The following ABCG4 variants were observed in gnomAD, a reference collection of about 807,000 sequenced individuals.
ABCG4 encodes ATP binding cassette subfamily G member 4, also known as ATP-binding cassette sub-family G member 4.
A neutral mutation model predicts 64.6 loss-of-function variants in ABCG4; 35 were observed. The ratio of observed to expected loss-of-function variants is 0.54; its 90% CI spans 0.41 to 0.72. The LOEUF (loss-of-function observed/expected upper bound fraction) is 0.72, where lower values mean the gene tolerates loss of function less well. Ranked by LOEUF, ABCG4 falls within the 30% of genes least tolerant of loss-of-function variation. The pLI, the probability that ABCG4 is intolerant of heterozygous loss-of-function variation, is 0.00. For missense variants in ABCG4, 610 were observed against 846.3 expected (o/e 0.72, Z 3.46); for synonymous variants, 326 against 348.2 (o/e 0.94, Z 0.71).
At position 119,160,567 on chromosome 11, in the gene ABCG4, C is replaced by T; in HGVS notation, c.1626C>T (p.Ala542=). 6.2e-7 allele frequency: 1 copy of T among 1,612,210 alleles called. No individual in the cohort carries two copies. The highest frequency in any genetic ancestry group is 1.3e-5 in the African/African-American group (1 of 75,040). ...QVATFVGPVT[A]IPVLLFSGFF... ...CCACTTTTGTGGGCCCAGTTACCGC[C>T]ATCCCTGTCCTCTTGTTCTCCGGCT... is the stretch of plus-strand genomic sequence containing the variant. The change falls in exon 14 of 15, where the codon GCC becomes GCT. Residue 542 remains alanine (A), a synonymous_variant. Coordinates refer to ENST00000619701, the MANE Select transcript of ABCG4 (RefSeq NM_022169.5). This position sits in a 1 kb window ranked among gnomAD's most constrained non-coding sequence, Gnocchi z 4.6.
chr11:119,160,863 A>G lies in ABCG4; in HGVS notation c.1716-18A>G. 6.2e-7 allele frequency: 1 copy of G among 1,609,964 alleles called. No individual in the cohort carries two copies. On this transcript the variant is annotated intron_variant, in intron 14 of 14. Coordinates refer to ENST00000619701, the MANE Select transcript of ABCG4 (RefSeq NM_022169.5). The surrounding 1 kb of genome is among the most constrained non-coding windows in gnomAD (Gnocchi z 4.6). ...GACCCTGTGTGCTGTATCCCATCTGATATCCCTGCCTGCCTAGGTATGGCT... is the reference window on the plus strand; with the variant it reads ...GACCCTGTGTGCTGTATCCCATCTGGTATCCCTGCCTGCCTAGGTATGGCT...
At position 119,149,687 on chromosome 11, in the gene ABCG4, G is replaced by A; in HGVS notation, c.-12-267G>A. ...AGTCCCCAGGGGCTGCTGGCCTGCG[G>A]GGTAAGGAGATTAGAGAAGCCGCCG... On this transcript the variant is annotated intron_variant, in intron 1 of 14. Coordinates refer to ENST00000619701, the MANE Select transcript of ABCG4 (RefSeq NM_022169.5). This position sits in a 1 kb window ranked among gnomAD's most constrained non-coding sequence, Gnocchi z 8.3. 1 of 527,144 alleles carries A rather than the reference G, an allele frequency of 1.9e-6. No homozygotes were observed. Among genetic ancestry groups the A allele is most frequent in the Non-Finnish European group, 3.4e-6 (1 of 295,328 alleles). 32.7% of individuals were successfully genotyped at this position (527,144 alleles called of 1,614,324 possible).
rs1948301243 is a variant in ABCG4, at chr11:119,158,622, G to T, written c.1233G>T (p.Leu411=). Residue 411 remains leucine, a synonymous_variant, in exon 11 of 15, where the codon CTG becomes CTT. Coordinates refer to ENST00000619701, the MANE Select transcript of ABCG4 (RefSeq NM_022169.5). This position sits in a 1 kb window ranked among gnomAD's most constrained non-coding sequence, Gnocchi z 4.5. The stretch of plus-strand genomic sequence containing the variant: ...GCGTGCTCATCGGCCTCCTCTACCT[G>T]CATATTGGCGACGATGCCAGCAAGG... ...VIGVLIGLLY[L]HIGDDASKVF... is the part of the protein sequence containing the mutation. 6.2e-7 allele frequency: 1 copy of T among 1,614,046 alleles called. No homozygotes were observed. The highest frequency in any genetic ancestry group is 1.3e-5 in the African/African-American group (1 of 74,930).
Position 119,156,858 on chromosome 11 carries a change from C to T in ABCG4, c.926-14C>T. On this transcript the variant is annotated splice_polypyrimidine_tract_variant and intron_variant, in intron 8 of 14. Transcript: ENST00000619701. The surrounding 1 kb of genome is among the most constrained non-coding windows in gnomAD (Gnocchi z 5.5). ...GTGTGAATCTAAACTGAGCTCTCCA[C>T]TCTGTGTCCCCAGTCATCGAGGTGG... 1 of 1,603,664 alleles carries T rather than the reference C, an allele frequency of 6.2e-7. No individual in the cohort carries two copies. The highest frequency in any genetic ancestry group is 8.5e-7 in the Non-Finnish European group (1 of 1,174,440).
Position 119,154,045 on chromosome 11 carries a change from G to A in ABCG4, c.258G>A (p.Lys86=). 1.9e-6 allele frequency: 3 copies of A among 1,614,166 alleles called. No homozygotes were observed. Among genetic ancestry groups the A allele is most frequent in the Non-Finnish European group, 2.5e-6 (3 of 1,180,030 alleles). ...WRKRGYKTLL[K]CLSGKFCRRE... ...CTGCAGGTTATAAGACCCTTCTCAA[G>A]TGCCTCTCAGGTAAATTCTGCCGCC... Residue 86 remains lysine (K), a synonymous_variant, in exon 3 of 15, where the codon AAG becomes AAA. Coordinates refer to ENST00000619701, the MANE Select transcript of ABCG4 (RefSeq NM_022169.5). This position sits in a 1 kb window ranked among gnomAD's most constrained non-coding sequence, Gnocchi z 7.0.
rs1316938454 is a variant in ABCG4 at position 119,150,054 on chromosome 11, C to A, written c.89C>A (p.Pro30His). 1 of 1,613,966 alleles carries A rather than the reference C, an allele frequency of 6.2e-7. No homozygotes were observed. The highest frequency in any genetic ancestry group is 1.7e-5 in the Admixed American group (1 of 60,016). Residue 30 changes from proline (P) to histidine (H), a missense_variant, in exon 2 of 15, where the codon CCC becomes CAC. By Grantham distance (77) the Pro-to-His change is moderately conservative. Coordinates refer to ENST00000619701, the MANE Select transcript of ABCG4 (RefSeq NM_022169.5). This position sits in a 1 kb window ranked among gnomAD's most constrained non-coding sequence, Gnocchi z 4.3. The part of the protein sequence containing the change: ...MAVTLEDGAE[P>H]PVLTTHLKKV... ...GTGACGCTGGAGGACGGGGCGGAAC[C>A]CCCTGTGCTGACCACGCACCTGAAG...
At chr11:119,153,368 T>C (rs569603497) in intron 2 of ABCG4, 129 of 153,148 alleles carry the variant, frequency 8.4e-4, no homozygotes, top group African/African-American at 2.9e-3. Context: ...TACTGGGCCA[T>C]GTAGGGGCTA....
At position 119,160,316 on chromosome 11, in the gene ABCG4, G is replaced by A. The variant is rs780479191; in HGVS notation, c.1527G>A (p.Leu509=). The change falls in exon 13 of 15, where the codon CTG becomes CTA. Residue 509 remains leucine, a synonymous_variant. Coordinates refer to ENST00000619701, the MANE Select transcript of ABCG4 (RefSeq NM_022169.5). The surrounding 1 kb of genome is among the most constrained non-coding windows in gnomAD (Gnocchi z 4.6). ...GCCGCTTCCTGCTCTTCTCAGCCCTGGCCACCGCCACCGCCTTGGTGGCCC... is the reference window on the plus strand; with the variant it reads ...GCCGCTTCCTGCTCTTCTCAGCCCTAGCCACCGCCACCGCCTTGGTGGCCC... ...ETSRFLLFSA[L]ATATALVAQS... 4 of 1,613,668 alleles carry A rather than the reference G, an allele frequency of 2.5e-6. No individual in the cohort carries two copies. The highest frequency in any genetic ancestry group is 3.4e-6 in the Non-Finnish European group (4 of 1,179,718).
rs569267107 is a variant in ABCG4, at chr11:119,154,737, G to A, written c.541-33G>A. The A allele has an allele frequency of 4.4e-6, 7 of 1,599,528 alleles. No homozygotes were observed. The highest frequency in any genetic ancestry group is 3.3e-5 in the South Asian group (3 of 89,958). The stretch of plus-strand genomic sequence containing the variant: ...GGTGCCTGGGGGAAGCAGAGACTCC[G>A]AAGCTGACCTGGCATGGGTGGGGTG... On this transcript the variant is annotated intron_variant, in intron 5 of 14. Transcript: ENST00000619701. The surrounding 1 kb of genome is among the most constrained non-coding windows in gnomAD (Gnocchi z 7.0).
rs1021708747 is a variant in ABCG4 at position 119,150,379 on chromosome 11, C to T, written c.238+176C>T. ...TGCACTCTTGGGGTGTCAGGATCTA[C>T]GCTCCCCCACACCTGTGAGCACCAT... On this transcript the variant is annotated intron_variant, in intron 2 of 14. Transcript: ENST00000619701. This position sits in a 1 kb window ranked among gnomAD's most constrained non-coding sequence, Gnocchi z 4.3. Among the ~76,000 whole-genome samples, 8 of 152,184 alleles carry T rather than the reference C, an allele frequency of 5.3e-5. No homozygotes were observed. The highest frequency in any genetic ancestry group is 1.4e-4 in the African/African-American group (6 of 41,440).
In ABCG4 at chr11:119,158,083, A is replaced by T; in HGVS notation, c.1069-151A>T. 1 of 657,102 alleles carries T rather than the reference A, an allele frequency of 1.5e-6. No individual in the cohort carries two copies. The highest frequency in any genetic ancestry group is 2.6e-6 in the Non-Finnish European group (1 of 381,876). The allele number at this position is 657,102 out of a possible 1,614,324, so 40.7% of individuals were successfully genotyped here. A position where few individuals can be genotyped will look rare whatever the true frequency, so the allele number is the denominator to read the frequency against. On this transcript the variant is annotated intron_variant, in intron 9 of 14. Coordinates refer to ENST00000619701, the MANE Select transcript of ABCG4 (RefSeq NM_022169.5). The surrounding 1 kb of genome is among the most constrained non-coding windows in gnomAD (Gnocchi z 4.5). ...ATTCATACCCCTAAGCCTAGCTTTC[A>T]GGTACACAACTTAATGGTACAAGAT...
chr11:119,149,688 G>A lies in ABCG4; in HGVS notation c.-12-266G>A. On this transcript the variant is annotated intron_variant, in intron 1 of 14. Coordinates refer to ENST00000619701, the MANE Select transcript of ABCG4 (RefSeq NM_022169.5). The surrounding 1 kb of genome is among the most constrained non-coding windows in gnomAD (Gnocchi z 8.3). ...GTCCCCAGGGGCTGCTGGCCTGCGGGGTAAGGAGATTAGAGAAGCCGCCGG... is the reference window on the plus strand; with the variant it reads ...GTCCCCAGGGGCTGCTGGCCTGCGGAGTAAGGAGATTAGAGAAGCCGCCGG... The A allele has an allele frequency of 1.9e-6, 1 of 530,288 alleles. No homozygotes were observed. The highest frequency in any genetic ancestry group is 3.4e-6 in the Non-Finnish European group (1 of 297,352). 32.8% of individuals were successfully genotyped at this position (530,288 alleles called of 1,614,324 possible). A position where few individuals can be genotyped will look rare whatever the true frequency, so the allele number is the denominator to read the frequency against.
intron 2 of ABCG4, chr11:119,153,764 A>G: frequency 2.1e-6 from 1 of 468,608 alleles, no homozygotes; most frequent in Non-Finnish European, 3.9e-6. Context: ...ACGCCCATCC[A>G]TGAGATGTGT....
Position 119,156,936 on chromosome 11 carries a change from T to C in ABCG4, c.990T>C (p.Asn330=). The change falls in exon 9 of 15, where the codon AAT becomes AAC. Residue 330 remains asparagine (N), a synonymous_variant. Coordinates refer to ENST00000619701, the MANE Select transcript of ABCG4 (RefSeq NM_022169.5). The surrounding 1 kb of genome is among the most constrained non-coding windows in gnomAD (Gnocchi z 5.5). The part of the protein sequence containing the change: ...LNPMLFRAVQ[N]GLCAMAEKKS... ...CCATGTTGTTCAGGGCTGTGCAGAA[T>C]GGGCTGTGCGCTATGGCTGAGAAGA... 6.2e-7 allele frequency: 1 copy of C among 1,614,042 alleles called. No homozygotes were observed. The highest frequency in any genetic ancestry group is 8.5e-7 in the Non-Finnish European group (1 of 1,179,986).
At position 119,160,385 on chromosome 11, in the gene ABCG4, G is replaced by C. The variant is rs939843093; in HGVS notation, c.1596G>C (p.Gln532His). ...TCGGAGCTGCTTCCAACTCCCTACAGGTGGGAGGGCTGGCAGTTGGGAATT... is the reference window on the plus strand; with the variant it reads ...TCGGAGCTGCTTCCAACTCCCTACACGTGGGAGGGCTGGCAGTTGGGAATT... The part of the protein sequence containing the change: ...LLIGAASNSL[Q>H]VATFVGPVTA... Residue 532 changes from glutamine to histidine, a missense_variant and splice_region_variant, in exon 13 of 15, where the codon CAG (glutamine) becomes CAC (histidine). Transcript: ENST00000619701. This position sits in a 1 kb window ranked among gnomAD's most constrained non-coding sequence, Gnocchi z 4.6. 1.2e-6 allele frequency: 2 copies of C among 1,606,960 alleles called. No homozygotes were observed. The highest frequency in any genetic ancestry group is 2.7e-5 in the African/African-American group (2 of 74,810).
chr11:119,150,238 C>G lies in ABCG4; in HGVS notation c.238+35C>G, dbSNP rs1243525767. ...AGCCTGGTAGGGGGAGTCCGTGGGC[C>G]CTCTCTGAGTTGCCTCTCCAGAAGC... On this transcript the variant is annotated intron_variant, in intron 2 of 14. Coordinates refer to ENST00000619701, the MANE Select transcript of ABCG4 (RefSeq NM_022169.5). The surrounding 1 kb of genome is among the most constrained non-coding windows in gnomAD (Gnocchi z 4.3). The G allele has an allele frequency of 1.3e-6, 2 of 1,597,316 alleles. No homozygotes were observed. Among genetic ancestry groups the G allele is most frequent in the Non-Finnish European group, 1.7e-6 (2 of 1,169,098 alleles).
In ABCG4 at chr11:119,154,956, T is replaced by C; in HGVS notation, c.686+41T>C. The C allele has an allele frequency of 6.3e-7, 1 of 1,576,136 alleles. No homozygotes were observed. The highest frequency in any genetic ancestry group is 8.7e-7 in the Non-Finnish European group (1 of 1,154,350). On this transcript the variant is annotated intron_variant, in intron 6 of 14. Transcript: ENST00000619701. The surrounding 1 kb of genome is among the most constrained non-coding windows in gnomAD (Gnocchi z 7.0). ...CTTTCCCACCAGGATACCCCTCTCC[T>C]CTCGGCCCTGAGCCAGGGCTGGAGG...
rs958235063 is a variant in ABCG4 at position 119,156,999 on chromosome 11, C to G, written c.1053C>G (p.Cys351Trp). The G allele has an allele frequency of 6.2e-7, 1 of 1,608,108 alleles. No individual in the cohort carries two copies. Among genetic ancestry groups the G allele is most frequent in the African/African-American group, 1.3e-5 (1 of 74,698 alleles). The change falls in exon 9 of 15, where the codon TGC becomes TGG. Residue 351 changes from cysteine to tryptophan, a missense_variant. Coordinates refer to ENST00000619701, the MANE Select transcript of ABCG4 (RefSeq NM_022169.5). The surrounding 1 kb of genome is among the most constrained non-coding windows in gnomAD (Gnocchi z 5.5). ...SPEKNEVPAP[C>W]PPCPPEVDPI... Reference sequence around the variant, plus strand: ...AGAAGAACGAGGTCCCTGCCCCATGCCCTCCTTGTCCTCCGGTGAGTAGGG... The same window carrying G: ...AGAAGAACGAGGTCCCTGCCCCATGGCCTCCTTGTCCTCCGGTGAGTAGGG...
chr11:119,158,702 C>G lies in ABCG4; in HGVS notation c.1313C>G (p.Ala438Gly). 1 of 1,614,144 alleles carries G rather than the reference C, an allele frequency of 6.2e-7. No individual in the cohort carries two copies. Among genetic ancestry groups the G allele is most frequent in the Non-Finnish European group, 8.5e-7 (1 of 1,180,030 alleles). The change falls in exon 11 of 15, where the codon GCC becomes GGC. Residue 438 changes from alanine (A) to glycine (G), a missense_variant. Coordinates refer to ENST00000619701, the MANE Select transcript of ABCG4 (RefSeq NM_022169.5). The surrounding 1 kb of genome is among the most constrained non-coding windows in gnomAD (Gnocchi z 4.5). ...FFSMLFLMFA[A>G]LMPTVLTFPL... ...TCCATGCTGTTCCTCATGTTCGCCG[C>G]CCTCATGCCAACTGTGCTCACCTGT...
Sources: allele counts gnomAD v4.1 joint callset (sites outside exome capture counted in the v4.1 genomes callset), GRCh38; gene constraint gnomAD v4.1.1; non-coding constraint Gnocchi (gnomAD v3.1); transcripts MANE v1.5; gene names NCBI Gene and HGNC (gene_info 2026-07-23, HGNC 2026-07-21).